The following ZNF878 variants were observed in gnomAD, a reference collection of about 807,000 sequenced individuals.
The protein encoded by ZNF878 is zinc finger protein 878.
Under a neutral mutation model 11.1 loss-of-function variants are expected in ZNF878, and 10 were observed. The observed-to-expected ratio is 0.90, with a 90% CI of 0.56 to 1.53. The LOEUF (loss-of-function observed/expected upper bound fraction) is 1.53, where lower values mean the gene tolerates loss of function less well. Ranked by LOEUF, ZNF878 falls within the 40% of genes most tolerant of loss-of-function variation. The pLI is 0.00. For synonymous variants in ZNF878, 165 were observed against 209.7 expected, an observed-to-expected ratio of 0.79 and a Z score of 1.84; for missense variants, 548 against 626.1, an observed-to-expected ratio of 0.88 and a Z score of 1.33.
intron 1 of ZNF878, among the ~76,000 whole-genome samples, chr19:12,047,008 G>C (rs151094804): frequency 2.0e-5 from 3 of 152,306 alleles, no homozygotes; most frequent in African/African-American, 7.2e-5. Context: ...TTTCTGGTGA[G>C]TCCAGGGAGA....
chr19:12,048,723 A>G (rs1975519602), intron 1 of ZNF878, among the ~76,000 whole-genome samples: 1 of 150,948 alleles, frequency 6.6e-6, no homozygotes, highest in Non-Finnish European at 1.5e-5. Context: ...AATCCCAGCT[A>G]CTTGGGGGGC....
At chr19:12,050,964 C>T (rs943823901) in intron 1 of ZNF878, among the ~76,000 whole-genome samples, 4 of 151,808 alleles carry the variant, frequency 2.6e-5, no homozygotes, top group Middle Eastern at 3.2e-3. Flanking sequence ...GGCGCGGTGG[C>T]GGGCGCCTGT....
rs138869465 is a variant in ZNF878, at chr19:12,050,149, C to T, written c.3+2650G>A. 5.4e-3 allele frequency among the ~76,000 whole-genome samples: 818 copies of T among 152,026 alleles called. 6 individuals carry two copies. Among genetic ancestry groups the T allele is most frequent in the African/African-American group, 0.018 (755 of 41,460 alleles). ...CTGAAGCAGGAGAATCGATTGAACC[C>T]GGGAGGTGGAGTTTGCAGTGAGCCA... On this transcript the variant is annotated intron_variant, in intron 1 of 3. Transcript: ENST00000547628.
chr19:12,046,654 A>G lies in ZNF878; in HGVS notation c.110T>C (p.Leu37Ser). 6.2e-7 allele frequency: 1 copy of G among 1,613,964 alleles called. No individual in the cohort carries two copies. The change falls in exon 2 of 4, where the codon TTG (leucine) becomes TCG (serine). Residue 37 changes from leucine to serine, a missense_variant. Coordinates refer to ENST00000547628, the MANE Select transcript of ZNF878 (RefSeq NM_001080404.3). ...NLYREVMQET[L>S]RNLTSIGKKW... ...CTTACCTATGGAGGTCAGGTTCCTC[A>G]AGGTTTCCTGCATCACTTCCCTGTA...
chr19:12,048,257 G>T (rs1416185034), intron 1 of ZNF878, among the ~76,000 whole-genome samples: 2 of 151,280 alleles, frequency 1.3e-5, no homozygotes, highest in East Asian at 3.9e-4. Context: ...GGTGGCTCAT[G>T]CCTGTAATCC....
intron 3 of ZNF878, 51 bp from the exon 4 acceptor site, chr19:12,045,260 C>A: frequency 1.4e-6 from 2 of 1,415,096 alleles, no homozygotes; most frequent in South Asian, 2.8e-5. Context: ...ATTTTAATTC[C>A]TTTGCAAGTA....
intron 1 of ZNF878, among the ~76,000 whole-genome samples, chr19:12,049,852 C>T (rs1975533975): frequency 6.7e-6 from 1 of 149,634 alleles, no homozygotes; most frequent in Non-Finnish European, 1.5e-5. Context: ...AGAAACACAC[C>T]AGAACTGCCC....
At chr19:12,049,588 A>G (rs1223577661) in intron 1 of ZNF878, among the ~76,000 whole-genome samples, 4 of 141,044 alleles carry the variant, frequency 2.8e-5, no homozygotes, top group East Asian at 2.2e-4. Flanking sequence ...TGGCCAACCT[A>G]GTGAAACCCC....
chr19:12,052,701 G>GTCGC, intron 1 of ZNF878, 98 bp downstream of exon 1: 1 of 1,452,542 alleles, frequency 6.9e-7, no homozygotes, highest in Non-Finnish European at 9.2e-7. Context: ...GGAGCCCAGA[G>GTCGC]TCGCTGCAGG....
At chr19:12,051,453 C>CT (rs913941707) in intron 1 of ZNF878, among the ~76,000 whole-genome samples, 120 of 147,402 alleles carry the variant, frequency 8.1e-4, no homozygotes, top group Admixed American at 1.2e-3. Context: ...AGGAGCTTAA[C>CT]TTTTTTTTTT....
At position 12,043,914 on chromosome 19, in the gene ZNF878, TAGAGA is replaced by T; in HGVS notation, c.1482_1486del (p.Phe494LeufsTer3). 1 of 1,613,992 alleles carries T rather than the reference TAGAGA, an allele frequency of 6.2e-7. No individual in the cohort carries two copies. The highest frequency in any genetic ancestry group is 2.2e-5 in the East Asian group (1 of 44,870). Reference sequence around the variant, plus strand: ...CTCTCCAGTATGAATCCTTTCATGGTAGAGAAAAGAGTTGGAAGAAATGAAGGCTT... The same window carrying T: ...CTCTCCAGTATGAATCCTTTCATGGTAAAGAGTTGGAAGAAATGAAGGCTT... On this transcript the variant is annotated frameshift_variant, in exon 4 of 4. Transcript: ENST00000547628. LOFTEE classifies it low-confidence loss of function (END_TRUNC).
At position 12,043,920 on chromosome 19, in the gene ZNF878, A is replaced by C; in HGVS notation, c.1481T>G (p.Phe494Cys). The change falls in exon 4 of 4, where the codon TTT (phenylalanine) becomes TGT (cysteine). Residue 494 changes from phenylalanine to cysteine, a missense_variant. By Grantham distance (205) the Phe-to-Cys change is radical (BLOSUM62 -2). Transcript: ENST00000547628. ...CGKAFISSNSFLYHERIHTGE... is the reference protein window; with the variant it reads ...CGKAFISSNSCLYHERIHTGE... ...AGTATGAATCCTTTCATGGTAGAGA[A>C]AAGAGTTGGAAGAAATGAAGGCTTT... 6.2e-7 allele frequency: 1 copy of C among 1,614,032 alleles called. No homozygotes were observed. Among genetic ancestry groups the C allele is most frequent in the African/African-American group, 1.3e-5 (1 of 75,022 alleles).
chr19:12,047,132 C>G (rs1395156196), intron 1 of ZNF878, among the ~76,000 whole-genome samples: 1 of 152,120 alleles, frequency 6.6e-6, no homozygotes, highest in Non-Finnish European at 1.5e-5. Flanking sequence ...CAGCCCTAAG[C>G]CTGCATATTC....
intron 1 of ZNF878, among the ~76,000 whole-genome samples, chr19:12,052,242 G>A (rs1217661014): frequency 6.6e-6 from 1 of 152,188 alleles, no homozygotes; most frequent in Non-Finnish European, 1.5e-5. Context: ...TCGCGGGGTT[G>A]TGTTTCCCTC....
In ZNF878 at chr19:12,052,419, A is replaced by G. The variant is rs1340583305; in HGVS notation, c.3+380T>C. On this transcript the variant is annotated intron_variant, in intron 1 of 3. Coordinates refer to ENST00000547628, the MANE Select transcript of ZNF878 (RefSeq NM_001080404.3). ...TGCCTCAGTTTAATTTTTAACTGGA[A>G]AAAAAAAGGAACTGGGGACCCCACA... 2.0e-5 allele frequency among the ~76,000 whole-genome samples: 3 copies of G among 152,160 alleles called. No homozygotes were observed. The East Asian group carries it at 5.8e-4, about 29-fold the overall frequency.
At position 12,044,859 on chromosome 19, in the gene ZNF878, CTG is replaced by C. The variant is rs1483833978; in HGVS notation, c.540_541del (p.Phe180LeufsTer8). 1.2e-6 allele frequency: 2 copies of C among 1,613,514 alleles called. No individual in the cohort carries two copies. Among genetic ancestry groups the C allele is most frequent in the Non-Finnish European group, 1.7e-6 (2 of 1,179,910 alleles). On this transcript the variant is annotated frameshift_variant, in exon 4 of 4. Transcript: ENST00000547628. LOFTEE classifies it low-confidence loss of function (END_TRUNC). ...ATGTCTACGAACAGAACTGGGAAAA[CTG>C]AATGCTTTCCCACACTGCTTACATT...
Position 12,044,636 on chromosome 19 carries a change from A to T in ZNF878, c.765T>A (p.Tyr255Ter), listed in dbSNP as rs1246966299. The T allele has an allele frequency of 1.2e-6, 2 of 1,614,120 alleles. No homozygotes were observed. Among genetic ancestry groups the T allele is most frequent in the Admixed American group, 1.7e-5 (1 of 60,010 alleles). Residue 255 changes from tyrosine to a stop codon, truncating the protein, a stop_gained, in exon 4 of 4, where the codon TAT becomes TAA. Transcript: ENST00000547628. LOFTEE classifies it low-confidence loss of function (END_TRUNC). ...AGGCTTTATCACATTGCTTGCATTT[A>T]TAGCGTTTCTCTCCAGTGTGACTTT... Reference protein sequence around the residue: ...HEKSHTGEKRYKCKQCDKAFN... With the variant: ...HEKSHTGEKR
rs1377168403 is a variant in ZNF878, at chr19:12,046,642, G to C, written c.122C>G (p.Thr41Ser). The C allele has an allele frequency of 1.2e-6, 2 of 1,613,978 alleles. No individual in the cohort carries two copies. The highest frequency in any genetic ancestry group is 1.7e-5 in the Admixed American group (1 of 59,978). The change falls in exon 2 of 4, where the codon ACC becomes AGC. Residue 41 changes from threonine to serine, a missense_variant. Transcript: ENST00000547628. Reference protein sequence around the residue: ...EVMQETLRNLTSIGKKWNNQY... With the variant: ...EVMQETLRNLSSIGKKWNNQY... Reference sequence around the variant, plus strand: ...AATACTGTCATTCTTACCTATGGAGGTCAGGTTCCTCAAGGTTTCCTGCAT... The same window carrying C: ...AATACTGTCATTCTTACCTATGGAGCTCAGGTTCCTCAAGGTTTCCTGCAT...
chr19:12,046,600 A>C lies in ZNF878; in HGVS notation c.130+34T>G, dbSNP rs185908862. 4.1e-4 allele frequency: 661 copies of C among 1,613,360 alleles called. 3 individuals carry two copies. The African/African-American group carries it at 7.4e-3, about 18-fold the overall frequency. ...GATGAGCTAGAAACACCTGTTCTTT[A>C]ATTCACTGAGGGAAGTAATACTGTC... is the stretch of plus-strand genomic sequence containing the variant. On this transcript the variant is annotated intron_variant, in intron 2 of 3. Coordinates refer to ENST00000547628, the MANE Select transcript of ZNF878 (RefSeq NM_001080404.3).
Sources: allele counts gnomAD v4.1 joint callset (sites outside exome capture counted in the v4.1 genomes callset), GRCh38; gene constraint gnomAD v4.1.1; transcripts MANE v1.5; gene names NCBI Gene and HGNC (gene_info 2026-07-23, HGNC 2026-07-21).